The following UBE2J2 variants were observed in gnomAD, a reference collection of about 807,000 sequenced individuals.
UBE2J2 encodes ubiquitin conjugating enzyme E2 J2, also known as ubiquitin-conjugating enzyme E2 J2.
Under a neutral mutation model 28.6 loss-of-function variants are expected in UBE2J2, and 5 were observed. The observed-to-expected ratio is 0.17, with a 90% confidence interval of 0.09 to 0.37. The LOEUF is 0.37. Ranked by LOEUF, UBE2J2 falls within the 10% of genes least tolerant of loss-of-function variation. The pLI is 1.00. For missense variants in UBE2J2, 226 were observed against 338.9 expected, an observed-to-expected ratio of 0.67 and a Z score of 2.62; for synonymous variants, 138 against 139.7, an observed-to-expected ratio of 0.99 and a Z score of 0.09.
intron 3 of UBE2J2, among the ~76,000 whole-genome samples, chr1:1,260,118 G>A (rs933103430): frequency 5.3e-5 from 8 of 152,198 alleles, no homozygotes; most frequent in Non-Finnish European, 1.2e-4. Flanking sequence ...TCGAGGACAC[G>A]CAGGAACAGG....
intron 3 of UBE2J2, among the ~76,000 whole-genome samples, chr1:1,259,014 G>C (rs569203893): frequency 1.7e-3 from 252 of 151,758 alleles, no homozygotes; most frequent in African/African-American, 5.8e-3. Context: ...ATCAGGACGC[G>C]TGTGTGCGTG....
intron 1 of UBE2J2, among the ~76,000 whole-genome samples, chr1:1,269,819 G>A (rs1383328520): frequency 6.6e-6 from 1 of 152,150 alleles, no homozygotes; most frequent in Non-Finnish European, 1.5e-5. Flanking sequence ...ATAACGGACA[G>A]TGACCAGTGA....
intron 3 of UBE2J2, 85 bp from the exon 4 acceptor site, chr1:1,257,395 C>A (rs1570539415): frequency 1.4e-4 from 17 of 123,616 alleles, no homozygotes; most frequent in East Asian, 1.0e-3. Flanking sequence ...CCCACGCCAC[C>A]CCCCCCCCCC....
intron 5 of UBE2J2, among the ~76,000 whole-genome samples, chr1:1,256,678 C>A (rs1639194934): frequency 6.6e-6 from 1 of 151,732 alleles, no homozygotes; most frequent in Non-Finnish European, 1.5e-5. Context: ...GTCAGGAAAT[C>A]AAGACATCCT....
intron 6 of UBE2J2, 139 bp downstream of exon 6, chr1:1,255,906 G>A (rs1002746480): frequency 5.6e-6 from 4 of 710,600 alleles, no homozygotes; most frequent in African/African-American, 5.3e-5. Context: ...TGCCTCCCCT[G>A]CCTCGGGGCT....
At chr1:1,260,501 G>A (rs975660795) in intron 3 of UBE2J2, among the ~76,000 whole-genome samples, 8 of 152,142 alleles carry the variant, frequency 5.3e-5, no homozygotes, top group African/African-American at 1.2e-4. Context: ...CACACCTATC[G>A]GGAAGCCCCA....
intron 1 of UBE2J2, among the ~76,000 whole-genome samples, chr1:1,269,080 G>A (rs1432873416): frequency 4.6e-5 from 7 of 150,710 alleles, no homozygotes; most frequent in Non-Finnish European, 7.3e-5. Context: ...ACTGAAGGCC[G>A]AGCATGGGGC....
intron 3 of UBE2J2, among the ~76,000 whole-genome samples, chr1:1,259,059 G>A (rs1433718510): frequency 6.6e-6 from 1 of 151,890 alleles, no homozygotes; most frequent in Non-Finnish European, 1.5e-5. Context: ...ACGCACGTGT[G>A]TGCATGTGTG....
At chr1:1,259,718 T>C (rs1338777065) in intron 3 of UBE2J2, among the ~76,000 whole-genome samples, 1 of 151,710 alleles carries the variant, frequency 6.6e-6, no homozygotes, top group Non-Finnish European at 1.5e-5. Flanking sequence ...CCACCCCCCA[T>C]GTCCCCACGG....
At chr1:1,257,347 G>A (rs772710252) in intron 3 of UBE2J2, 37 bp from the exon 4 acceptor site, 36 of 1,250,908 alleles carry the variant, frequency 2.9e-5, no homozygotes, top group African/African-American at 6.5e-5. Flanking sequence ...CTTGTCGTCC[G>A]CCACAGCAGG....
intron 1 of UBE2J2, among the ~76,000 whole-genome samples, chr1:1,269,872 T>C (rs1323868191): frequency 2.0e-5 from 3 of 152,206 alleles, no homozygotes; most frequent in South Asian, 2.1e-4. Flanking sequence ...GGAAGTCTAC[T>C]CTACCCAGTT....
chr1:1,265,474 A>G (rs562702065), intron 2 of UBE2J2, among the ~76,000 whole-genome samples: 2 of 152,108 alleles, frequency 1.3e-5, no homozygotes, highest in African/African-American at 2.4e-5. Context: ...CATTCCACAC[A>G]TGCCGTCCAA....
chr1:1,269,737 TACAGGC>T (rs1640054325), intron 1 of UBE2J2, among the ~76,000 whole-genome samples: 2 of 152,172 alleles, frequency 1.3e-5, no homozygotes, highest in Non-Finnish European at 2.9e-5. Context: ...GTGCTGGGAT[TACAGGC>T]GTGAGTCCCC....
chr1:1,255,128 G>A lies in UBE2J2; in HGVS notation c.*75C>T. ...CTGGTGGGTCTGCCTGTGCTGGGCAGTGTGTCCAGCCTGCCGAGGTCACGC... is the reference window on the plus strand; with the variant it reads ...CTGGTGGGTCTGCCTGTGCTGGGCAATGTGTCCAGCCTGCCGAGGTCACGC... On this transcript the variant is annotated 3_prime_UTR_variant, in exon 7 of 7. Transcript: ENST00000349431. The A allele has an allele frequency of 6.9e-7, 1 of 1,447,814 alleles. No individual in the cohort carries two copies. Among genetic ancestry groups the A allele is most frequent in the Non-Finnish European group, 9.3e-7 (1 of 1,079,942 alleles). 89.7% of individuals were successfully genotyped at this position (1,447,814 alleles called of 1,614,324 possible).
At chr1:1,269,162 A>G (rs1640023552) in intron 1 of UBE2J2, among the ~76,000 whole-genome samples, 2 of 150,662 alleles carry the variant, frequency 1.3e-5, no homozygotes, top group South Asian at 4.2e-4. Flanking sequence ...GAGACTGGGG[A>G]GAGGGGTGGT....
chr1:1,256,341 CAG>C (rs749376851), intron 5 of UBE2J2: 1 of 475,702 alleles, frequency 2.1e-6, no homozygotes, highest in Non-Finnish European at 3.8e-6. Flanking sequence ...CTATTAAAGA[CAG>C]GGAAAAACAA....
intron 2 of UBE2J2, chr1:1,266,339 C>A (rs763839176): frequency 2.7e-5 from 10 of 368,786 alleles, no homozygotes; most frequent in Non-Finnish European, 4.7e-5. Context: ...AGCCTGTAAT[C>A]CCAGCACTTT....
At chr1:1,262,479 A>C (rs1570558640) in intron 3 of UBE2J2, 4 of 338,502 alleles carry the variant, frequency 1.2e-5, no homozygotes, top group South Asian at 2.2e-5. Context: ...CCCACCCACA[A>C]CCCTCCCGAC....
intron 5 of UBE2J2, 123 bp from the exon 6 acceptor site, chr1:1,256,248 C>A (rs576859352): frequency 1.5e-6 from 1 of 669,604 alleles, no homozygotes; most frequent in East Asian, 2.7e-5. Context: ...TTAATAAGCA[C>A]ACTCTTCACA....
Sources: gnomAD v4.1 joint callset for allele counts (sites outside exome capture counted in the v4.1 genomes callset) on GRCh38, gnomAD v4.1.1 for gene constraint, MANE v1.5 for transcripts, NCBI Gene and HGNC (gene_info 2026-07-23, HGNC 2026-07-21) for gene names.